KCNIP4: variants seen among roughly 807,000 people sequenced by gnomAD.
KCNIP4 encodes the protein Kv channel-interacting protein 4.
A neutral mutation model predicts 34.0 loss-of-function variants in KCNIP4; 12 were observed. The ratio of observed to expected loss-of-function variants is 0.35; its 90% confidence interval spans 0.23 to 0.57. The LOEUF is 0.57. KCNIP4 is among the 20% of genes least tolerant of loss of function. KCNIP4 has a pLI of 0.83. For missense variants in KCNIP4, 238 were observed against 311.7 expected (o/e 0.76, Z 1.78); for synonymous variants, 124 against 102.2 (o/e 1.21, Z -1.29).
At chr4:21,465,812 T>C (rs1729878457) in intron 1 of KCNIP4, among the ~76,000 whole-genome samples, 1 of 152,214 alleles carries the variant, frequency 6.6e-6, no homozygotes, top group African/African-American at 2.4e-5. Context: ...CTTGGCTCCT[T>C]ATTCTGTGCT....
rs539871195 is a variant in KCNIP4 at position 21,327,087 on chromosome 4, T to C, written c.62-444378A>G. 6.6e-5 allele frequency among the ~76,000 whole-genome samples: 10 copies of C among 152,198 alleles called. No individual in the cohort carries two copies. The East Asian group carries it at 1.9e-3, about 29-fold the overall frequency. On this transcript the variant is annotated intron_variant, in intron 1 of 8. Transcript: ENST00000382152. ...TATATGAGTAGTTTACACATGACGA[T>C]TACAGTGATATAATATTCTGTGTTC...
chr4:21,923,826 A>G (rs1452333081), intron 1 of KCNIP4, among the ~76,000 whole-genome samples: 1 of 152,160 alleles, frequency 6.6e-6, no homozygotes, highest in Non-Finnish European at 1.5e-5. Context: ...ACAATCTCCT[A>G]ACTAGATTAT....
At chr4:21,597,015 C>G (rs557848365) in intron 1 of KCNIP4, among the ~76,000 whole-genome samples, 3 of 152,142 alleles carry the variant, frequency 2.0e-5, no homozygotes, top group Non-Finnish European at 4.4e-5. Flanking sequence ...AGTGAAACAT[C>G]ATGGGGGTGG....
At chr4:21,332,630 A>G (rs1034038866) in intron 1 of KCNIP4, among the ~76,000 whole-genome samples, 1 of 151,730 alleles carries the variant, frequency 6.6e-6, no homozygotes, top group Non-Finnish European at 1.5e-5. Context: ...CTCTCATCCA[A>G]TCCTTAACAA....
chr4:21,773,767 G>GTTTTTTTTTTTT (rs373554454), intron 1 of KCNIP4, among the ~76,000 whole-genome samples: 1 of 138,282 alleles, frequency 7.2e-6, no homozygotes, highest in African/African-American at 3.0e-5. Context: ...TTGTTTGTTT[G>GTTTTTTTTTTTT]TTTTTGTTTT....
intron 1 of KCNIP4, among the ~76,000 whole-genome samples, chr4:20,893,772 A>T (rs796101542): frequency 5.9e-5 from 9 of 152,172 alleles, no homozygotes; most frequent in African/African-American, 2.2e-4. Context: ...AGCCAAAGCA[A>T]AAAGGAATTT....
At chr4:21,478,602 A>G (rs1025799016) in intron 1 of KCNIP4, among the ~76,000 whole-genome samples, 3 of 152,188 alleles carry the variant, frequency 2.0e-5, no homozygotes, top group Non-Finnish European at 4.4e-5. Flanking sequence ...TGGCCCTCAT[A>G]GGAAGTACTT....
At chr4:21,323,277 A>C (rs560389654) in intron 1 of KCNIP4, among the ~76,000 whole-genome samples, 2 of 151,716 alleles carry the variant, frequency 1.3e-5, no homozygotes, top group Non-Finnish European at 2.9e-5. Context: ...ATACAATTCA[A>C]TTATGCTCTT....
intron 1 of KCNIP4, among the ~76,000 whole-genome samples, chr4:21,637,534 G>A (rs1249702370): frequency 6.6e-6 from 1 of 152,052 alleles, no homozygotes; most frequent in East Asian, 1.9e-4. Flanking sequence ...TGTAATCCCA[G>A]CACTTTGGGA....
At chr4:21,665,219 A>G (rs965156184) in intron 1 of KCNIP4, among the ~76,000 whole-genome samples, 2 of 152,164 alleles carry the variant, frequency 1.3e-5, no homozygotes, top group Admixed American at 1.3e-4. Context: ...AATATATGGA[A>G]AGTGAAAATT....
Position 21,948,735 on chromosome 4 carries a change from T to A in KCNIP4, c.-104A>T. 4.7e-6 allele frequency: 6 copies of A among 1,270,154 alleles called. No individual in the cohort carries two copies. The Middle Eastern group carries it at 6.3e-4, about 133-fold the overall frequency. The allele number at this position is 1,270,154 out of a possible 1,614,324, so 78.7% of individuals were successfully genotyped here. A position where few individuals can be genotyped will look rare whatever the true frequency, so the allele number is the denominator to read the frequency against. ...CGCACCGCCGCTCGGCCCGGGGGCG[T>A]CCGTGGCGCTGGGAGCGAGAGCTTC... On this transcript the variant is annotated 5_prime_UTR_variant, in exon 1 of 9. Coordinates refer to ENST00000382152, the MANE Select transcript of KCNIP4 (RefSeq NM_025221.6).
chr4:21,430,773 T>C (rs1726373628), intron 1 of KCNIP4, among the ~76,000 whole-genome samples: 1 of 139,454 alleles, frequency 7.2e-6, no homozygotes, highest in Non-Finnish European at 1.5e-5. Context: ...TTGAGGTGGC[T>C]AAGTGGCTAA....
intron 1 of KCNIP4, among the ~76,000 whole-genome samples, chr4:21,665,719 A>G (rs1050136859): frequency 3.9e-5 from 6 of 152,314 alleles, no homozygotes; most frequent in African/African-American, 1.2e-4. Flanking sequence ...TGAACAAGAT[A>G]GCATATCATA....
intron 1 of KCNIP4, among the ~76,000 whole-genome samples, chr4:21,097,771 A>G (rs1370457290): frequency 6.6e-6 from 1 of 152,170 alleles, no homozygotes; most frequent in Non-Finnish European, 1.5e-5. Flanking sequence ...AATTAGACCA[A>G]TTAATAATGC....
intron 1 of KCNIP4, among the ~76,000 whole-genome samples, chr4:21,652,580 T>C (rs948872025): frequency 1.9e-4 from 29 of 152,184 alleles, no homozygotes; most frequent in South Asian, 2.1e-4. Context: ...CTTGCTGATA[T>C]ATAAGGAAAA....
At chr4:21,101,023 G>A (rs536090084) in intron 1 of KCNIP4, among the ~76,000 whole-genome samples, 25 of 152,212 alleles carry the variant, frequency 1.6e-4, no homozygotes, top group South Asian at 1.2e-3. Context: ...CACATATTGC[G>A]TAGTGGTGAA....
intron 3 of KCNIP4, among the ~76,000 whole-genome samples, chr4:20,794,439 G>T (rs541270525): frequency 6.6e-6 from 1 of 151,968 alleles, no homozygotes; most frequent in Non-Finnish European, 1.5e-5. Context: ...CAGGAGTTGG[G>T]GACCCCTGGC....
At chr4:21,786,249 G>A (rs1358308167) in intron 1 of KCNIP4, among the ~76,000 whole-genome samples, 3 of 151,702 alleles carry the variant, frequency 2.0e-5, no homozygotes, top group South Asian at 2.1e-4. Context: ...GCCCGGCCTC[G>A]CTTCTCTTAA....
chr4:21,646,289 G>A (rs532785717), intron 1 of KCNIP4, among the ~76,000 whole-genome samples: 91 of 152,166 alleles, frequency 6.0e-4, no homozygotes, highest in African/African-American at 2.0e-3. Flanking sequence ...CCCACTGCCC[G>A]GAATAACATC....
Sources: gnomAD v4.1 joint callset for allele counts (sites outside exome capture counted in the v4.1 genomes callset) on GRCh38, gnomAD v4.1.1 for gene constraint, MANE v1.5 for transcripts, NCBI Gene and HGNC (gene_info 2026-07-23, HGNC 2026-07-21) for gene names.